The following ATP9B variants were observed in gnomAD, a reference collection of about 807,000 sequenced individuals.
ATP9B encodes ATPase phospholipid transporting 9B, also known as probable phospholipid-transporting ATPase IIB.
In ATP9B, 110 loss-of-function variants were observed where a neutral mutation model predicts 146.1. The ratio of observed to expected loss-of-function variants is 0.75; its 90% CI spans 0.65 to 0.88. The LOEUF (loss-of-function observed/expected upper bound fraction) is 0.88, where lower values mean the gene tolerates loss of function less well. Ranked by LOEUF, ATP9B falls within the 40% of genes least tolerant of loss-of-function variation. The pLI is 0.00. For synonymous variants in ATP9B, 604 were observed against 569.7 expected, an observed-to-expected ratio of 1.06 and a Z score of -0.86; for missense variants, 1,499 against 1,496.4, an observed-to-expected ratio of 1.00 and a Z score of -0.03.
chr18:79,139,860 T>A lies in ATP9B; in HGVS notation c.668-3942T>A, dbSNP rs28444270. Reference sequence around the variant, plus strand: ...CAGCCTCTGGTAATCACCCTTCTACTCTCTGTCTCCATGAGTTTAATTTAC... The same window carrying A: ...CAGCCTCTGGTAATCACCCTTCTACACTCTGTCTCCATGAGTTTAATTTAC... On this transcript the variant is annotated intron_variant, in intron 5 of 29. Coordinates refer to ENST00000426216, the MANE Select transcript of ATP9B (RefSeq NM_198531.5). Among the ~76,000 whole-genome samples, 456 of 152,300 alleles carry A rather than the reference T, an allele frequency of 3.0e-3. 3 individuals carry two copies. Among genetic ancestry groups the A allele is most frequent in the African/African-American group, 0.011 (437 of 41,558 alleles).
intron 15 of ATP9B, among the ~76,000 whole-genome samples, chr18:79,325,006 T>C (rs1030265353): frequency 6.6e-6 from 1 of 152,140 alleles, no homozygotes; most frequent in East Asian, 1.9e-4. Context: ...GAGAGCCATG[T>C]GGGGAAGATG....
intron 7 of ATP9B, among the ~76,000 whole-genome samples, chr18:79,175,504 G>T (rs1013608382): frequency 2.0e-5 from 3 of 151,810 alleles, no homozygotes; most frequent in African/African-American, 4.8e-5. Context: ...AGAAGCATTT[G>T]CATGCATACA....
chr18:79,288,458 A>G (rs1441948778), intron 13 of ATP9B, among the ~76,000 whole-genome samples: 4 of 151,062 alleles, frequency 2.6e-5, no homozygotes, highest in South Asian at 2.1e-4. Context: ...TTTGTTTTCC[A>G]TTTGCTTGGT....
At chr18:79,370,847 A>C (rs1045029851) in intron 26 of ATP9B, among the ~76,000 whole-genome samples, 1 of 152,250 alleles carries the variant, frequency 6.6e-6, no homozygotes, top group African/African-American at 2.4e-5. Context: ...AATACATTTC[A>C]GCAAATCAGG....
chr18:79,158,457 T>C (rs903039862), intron 7 of ATP9B, among the ~76,000 whole-genome samples: 5 of 152,020 alleles, frequency 3.3e-5, no homozygotes, highest in African/African-American at 1.2e-4. Flanking sequence ...GGGTAATTTT[T>C]AAATTTTGTT....
chr18:79,074,630 G>A (rs979343582), intron 1 of ATP9B, among the ~76,000 whole-genome samples: 21 of 152,206 alleles, frequency 1.4e-4, no homozygotes, highest in South Asian at 6.2e-4. Context: ...CAGATGCCCC[G>A]GTATCCCCTG....
At chr18:79,211,983 A>G (rs1163098625) in intron 10 of ATP9B, among the ~76,000 whole-genome samples, 1 of 152,222 alleles carries the variant, frequency 6.6e-6, no homozygotes, top group Non-Finnish European at 1.5e-5. Flanking sequence ...CTGTTATCTT[A>G]TACGACACAA....
chr18:79,362,350 TTAAG>T (rs1238511526), intron 26 of ATP9B: 12 of 152,218 alleles, frequency 7.9e-5, no homozygotes, highest in Non-Finnish European at 1.3e-4. Context: ...ACAGTATCTG[TTAAG>T]TAAGTATTTG....
intron 10 of ATP9B, among the ~76,000 whole-genome samples, chr18:79,211,252 A>T (rs7240468): frequency 0.39 from 59,983 of 152,072 alleles, 12,568 homozygotes; most frequent in Middle Eastern, 0.6. Flanking sequence ...GCTTTGCAAC[A>T]TGGAAGTTGT....
At chr18:79,263,023 A>T (rs528267536) in intron 12 of ATP9B, among the ~76,000 whole-genome samples, 1 of 152,328 alleles carries the variant, frequency 6.6e-6, no homozygotes, top group East Asian at 1.9e-4. Context: ...TTGTTGCACA[A>T]GCTACTTCAG....
intron 12 of ATP9B, among the ~76,000 whole-genome samples, chr18:79,256,286 T>TATATATATATATACACAC (rs398033647): frequency 1.5e-4 from 18 of 123,066 alleles, no homozygotes; most frequent in African/African-American, 3.9e-4. Context: ...TATATATATA[T>TATATATATATATACACAC]ACATACATAG....
intron 6 of ATP9B, among the ~76,000 whole-genome samples, chr18:79,150,622 A>G (rs2094673666): frequency 6.6e-6 from 1 of 152,194 alleles, no homozygotes; most frequent in Admixed American, 6.5e-5. Context: ...GAAATTATCT[A>G]GTTTGTTTAT....
intron 15 of ATP9B, among the ~76,000 whole-genome samples, chr18:79,309,755 G>T (rs2096642501): frequency 6.6e-6 from 1 of 152,108 alleles, no homozygotes; most frequent in African/African-American, 2.4e-5. Flanking sequence ...TTATCGTGTT[G>T]GTTACGCAAC....
In ATP9B at chr18:79,287,867, G is replaced by A. The variant is rs1300137503; in HGVS notation, c.1411+10671G>A. ...ACATCTTTATTTCTGCCTTCATTTCGTTATGTACCCAGTAGTCATTCAGGA... is the reference window on the plus strand; with the variant it reads ...ACATCTTTATTTCTGCCTTCATTTCATTATGTACCCAGTAGTCATTCAGGA... On this transcript the variant is annotated intron_variant, in intron 13 of 29. Transcript: ENST00000426216. Among the ~76,000 whole-genome samples the A allele has an allele frequency of 6.7e-5, 10 of 148,952 alleles. No homozygotes were observed. The East Asian group carries it at 1.2e-3, about 18-fold the overall frequency.
intron 10 of ATP9B, among the ~76,000 whole-genome samples, chr18:79,210,508 G>A (rs2095574569): frequency 6.6e-6 from 1 of 152,206 alleles, no homozygotes; most frequent in Non-Finnish European, 1.5e-5. Flanking sequence ...TGGCTGTGTG[G>A]ACTCTAGACC....
chr18:79,163,091 G>A (rs1206490237), intron 7 of ATP9B, among the ~76,000 whole-genome samples: 2 of 152,288 alleles, frequency 1.3e-5, no homozygotes, highest in South Asian at 2.1e-4. Context: ...CAGTTTTAGC[G>A]AGTGCTTTCT....
chr18:79,271,290 A>C (rs900412508), intron 12 of ATP9B, among the ~76,000 whole-genome samples: 10 of 152,102 alleles, frequency 6.6e-5, no homozygotes, highest in Non-Finnish European at 1.0e-4. Flanking sequence ...CACAACGTGC[A>C]GGTTTGTTAC....
intron 25 of ATP9B, chr18:79,354,236 A>C (rs1474999228): frequency 6.6e-6 from 1 of 152,158 alleles, no homozygotes; most frequent in African/African-American, 2.4e-5. Context: ...TGAGATAACT[A>C]TGAGAGTGTG....
chr18:79,250,491 T>G (rs956512773), intron 11 of ATP9B, among the ~76,000 whole-genome samples: 3 of 152,204 alleles, frequency 2.0e-5, no homozygotes, highest in Admixed American at 2.0e-4. Flanking sequence ...TGATCCTCAG[T>G]GAGGCCTGAA....
Sources: gnomAD v4.1 joint callset for allele counts (sites outside exome capture counted in the v4.1 genomes callset) on GRCh38, gnomAD v4.1.1 for gene constraint, MANE v1.5 for transcripts, NCBI Gene and HGNC (gene_info 2026-07-23, HGNC 2026-07-21) for gene names.